KIRREL1: variants seen among roughly 807,000 people sequenced by gnomAD.
KIRREL1 encodes kirre like nephrin family adhesion molecule 1.
In KIRREL1, 25 loss-of-function variants were observed where a neutral mutation model predicts 83.3. The observed-to-expected ratio is 0.30, with a 90% CI of 0.22 to 0.42. The LOEUF (loss-of-function observed/expected upper bound fraction) is 0.42. Among genes scored for constraint, KIRREL1 ranks in the 10% least tolerant of loss-of-function variants. The pLI is 1.00. For synonymous variants in KIRREL1, 388 were observed against 410.4 expected, an observed-to-expected ratio of 0.95 and a Z score of 0.66; for missense variants, 812 against 1,032.3, an observed-to-expected ratio of 0.79 and a Z score of 2.92.
At chr1:158,006,019 A>C (rs16839528) in intron 1 of KIRREL1, among the ~76,000 whole-genome samples, 3,628 of 152,312 alleles carry the variant, frequency 0.024, 151 homozygotes, top group African/African-American at 0.084. Flanking sequence ...TCTCTCCCAG[A>C]AAATCAACAC....
chr1:158,042,969 T>A (rs1382228249), intron 1 of KIRREL1, among the ~76,000 whole-genome samples: 2 of 149,318 alleles, frequency 1.3e-5, no homozygotes, highest in African/African-American at 5.0e-5. Flanking sequence ...GCACCTGTAG[T>A]CCCAGCTACT....
chr1:158,094,260 G>T lies in KIRREL1; in HGVS notation c.1720-53G>T. On this transcript the variant is annotated intron_variant, in intron 13 of 14. Transcript: ENST00000359209. This position sits in a 1 kb window ranked among gnomAD's most constrained non-coding sequence, Gnocchi z 4.6. ...GAGCGTGGGGAGGGGTTGGTGAGGG[G>T]CGAAAAGAGCAGGGCTTCCGTCTGC... is the stretch of plus-strand genomic sequence containing the variant. 1 of 1,516,700 alleles carries T rather than the reference G, an allele frequency of 6.6e-7. No homozygotes were observed. The highest frequency in any genetic ancestry group is 2.4e-5 in the East Asian group (1 of 42,494). The allele number at this position is 1,516,700 out of a possible 1,614,324, so 94.0% of individuals were successfully genotyped here. A position where few individuals can be genotyped will look rare whatever the true frequency, so the allele number is the denominator to read the frequency against.
chr1:158,049,490 A>G (rs1660858798), intron 1 of KIRREL1, among the ~76,000 whole-genome samples: 1 of 152,216 alleles, frequency 6.6e-6, no homozygotes, highest in South Asian at 2.1e-4. Context: ...GATTTCTAGA[A>G]GGTAAAGTGC....
Position 158,088,524 on chromosome 1 carries a change from G to A in KIRREL1, c.1044+70G>A, listed in dbSNP as rs1163066797. ...TTTTGAGACGGAGTCTCGCTCTGTC[G>A]CCCAGGCTGGAGTGCAGTGGCGCGA... On this transcript the variant is annotated intron_variant, in intron 8 of 14. Coordinates refer to ENST00000359209, the MANE Select transcript of KIRREL1 (RefSeq NM_018240.7). The A allele has an allele frequency of 4.6e-5, 61 of 1,313,936 alleles. 1 individual carries two copies. The highest frequency in any genetic ancestry group is 4.2e-4 in the African/African-American group (23 of 55,110). 81.4% of individuals were successfully genotyped at this position (1,313,936 alleles called of 1,614,324 possible).
chr1:158,033,098 C>A (rs562432772), intron 1 of KIRREL1, among the ~76,000 whole-genome samples: 11 of 151,186 alleles, frequency 7.3e-5, no homozygotes, highest in African/African-American at 2.7e-4. Context: ...CTTTTTGAGA[C>A]GGAGTTTCGC....
intron 1 of KIRREL1, among the ~76,000 whole-genome samples, chr1:158,017,056 C>A (rs1659844663): frequency 6.6e-6 from 1 of 152,210 alleles, no homozygotes; most frequent in Admixed American, 6.5e-5. Flanking sequence ...ATTCACGGAG[C>A]ATTTACTATA....
At chr1:158,086,458 A>G in intron 4 of KIRREL1, 138 bp from the exon 5 acceptor site, 1 of 666,424 alleles carries the variant, frequency 1.5e-6, no homozygotes, top group Non-Finnish European at 2.5e-6. Context: ...ACAAGGGAAG[A>G]GGTTGTGGGA....
chr1:158,077,572 T>G (rs1488865349), intron 2 of KIRREL1, among the ~76,000 whole-genome samples: 1 of 152,190 alleles, frequency 6.6e-6, no homozygotes, highest in African/African-American at 2.4e-5. Context: ...TCCCTCTGCC[T>G]TATGAGTCCT....
At chr1:158,042,965 G>A (rs887988580) in intron 1 of KIRREL1, among the ~76,000 whole-genome samples, 5 of 151,146 alleles carry the variant, frequency 3.3e-5, no homozygotes, top group Non-Finnish European at 7.4e-5. Context: ...GCAGGCACCT[G>A]TAGTCCCAGC....
At chr1:158,016,877 T>C (rs1278739840) in intron 1 of KIRREL1, among the ~76,000 whole-genome samples, 1 of 152,206 alleles carries the variant, frequency 6.6e-6, no homozygotes, top group African/African-American at 2.4e-5. Context: ...AGAGTGTGAC[T>C]TCTATCCATT....
chr1:158,086,619 G>T lies in KIRREL1; in HGVS notation c.534G>T (p.Arg178Ser). ...ASTELLKDGK[R>S]ETTVSQLLIN... ...AGGAATTGCTGAAGGATGGGAAGAG[G>T]GAGACCACCGTGAGCCAACTGCTTA... Residue 178 changes from arginine to serine, a missense_variant, in exon 5 of 15, where the codon AGG becomes AGT. Arg to Ser is a moderately radical substitution (Grantham distance 110). Around this residue, in one of 3 missense-constraint regions of KIRREL1, gnomAD observed 472 missense variants for 626.8 expected, o/e 0.75. Transcript: ENST00000359209. 6.4e-7 allele frequency: 1 copy of T among 1,551,998 alleles called. No homozygotes were observed.
chr1:158,027,171 A>G (rs1660197468), intron 1 of KIRREL1, among the ~76,000 whole-genome samples: 1 of 152,262 alleles, frequency 6.6e-6, no homozygotes, highest in East Asian at 1.9e-4. Context: ...CCCCATCCTG[A>G]GGTTTTATTC....
chr1:158,029,011 C>A (rs1032318013), intron 1 of KIRREL1, among the ~76,000 whole-genome samples: 5 of 152,164 alleles, frequency 3.3e-5, no homozygotes, highest in Non-Finnish European at 7.3e-5. Flanking sequence ...TTATTAAACA[C>A]ATAATTGCGT....
intron 1 of KIRREL1, among the ~76,000 whole-genome samples, chr1:158,022,848 G>T (rs1660038307): frequency 6.6e-6 from 1 of 152,144 alleles, no homozygotes; most frequent in Non-Finnish European, 1.5e-5. Flanking sequence ...CCTGTTTCCA[G>T]CCTCTTCCTC....
At chr1:158,003,818 T>G (rs969304620) in intron 1 of KIRREL1, among the ~76,000 whole-genome samples, 1 of 151,364 alleles carries the variant, frequency 6.6e-6, no homozygotes, top group African/African-American at 2.4e-5. Context: ...AAAAAAAATC[T>G]AATGCATTTC....
At chr1:158,053,239 C>A (rs1381456052) in intron 1 of KIRREL1, among the ~76,000 whole-genome samples, 1 of 152,176 alleles carries the variant, frequency 6.6e-6, no homozygotes, top group African/African-American at 2.4e-5. Context: ...TTCCTGTCTC[C>A]ATCCCCCAGT....
intron 1 of KIRREL1, among the ~76,000 whole-genome samples, chr1:158,060,634 G>T (rs1480198492): frequency 6.6e-6 from 1 of 152,144 alleles, no homozygotes; most frequent in Non-Finnish European, 1.5e-5. Flanking sequence ...TTGGGCTGGA[G>T]AAATTTCTTT....
At chr1:158,034,290 A>G (rs868261466) in intron 1 of KIRREL1, among the ~76,000 whole-genome samples, 4 of 151,538 alleles carry the variant, frequency 2.6e-5, no homozygotes, top group African/African-American at 4.9e-5. Context: ...AAAAAAAGAA[A>G]AAAAGAAAAT....
intron 1 of KIRREL1, among the ~76,000 whole-genome samples, chr1:158,067,716 C>T (rs1661392484): frequency 6.6e-6 from 1 of 152,234 alleles, no homozygotes; most frequent in South Asian, 2.1e-4. Flanking sequence ...TACTTCTGTC[C>T]CTTCCTGGCA....
Sources: allele counts gnomAD v4.1 joint callset (sites outside exome capture counted in the v4.1 genomes callset), GRCh38; gene constraint gnomAD v4.1.1; regional missense constraint gnomAD v4.1.1; non-coding constraint Gnocchi (gnomAD v3.1); transcripts MANE v1.5; gene names NCBI Gene and HGNC (gene_info 2026-07-23, HGNC 2026-07-21).